ASCC1: variants seen among roughly 807,000 people sequenced by gnomAD.
ASCC1 encodes the protein activating signal cointegrator 1 complex subunit 1.
Under a neutral mutation model 46.6 loss-of-function variants are expected in ASCC1, and 35 were observed. That is an observed-to-expected ratio of 0.75 (90% CI 0.57 to 0.99). The LOEUF is 0.99. Ranked by LOEUF, ASCC1 falls within the 50% of genes least tolerant of loss-of-function variation. The pLI, the probability that ASCC1 is intolerant of heterozygous loss-of-function variation, is 0.00. For missense variants in ASCC1, 376 were observed against 428.7 expected, an observed-to-expected ratio of 0.88 and a Z score of 1.09; for synonymous variants, 143 against 146.6, an observed-to-expected ratio of 0.98 and a Z score of 0.18.
intron 8 of ASCC1, among the ~76,000 whole-genome samples, chr10:72,131,874 T>G (rs63631362): frequency 2.9e-5 from 1 of 34,180 alleles, no homozygotes. Flanking sequence ...TCTAGATAGA[T>G]TTTTTTTTTT....
intron 9 of ASCC1, among the ~76,000 whole-genome samples, chr10:72,098,285 G>A (rs546972354): frequency 2.6e-5 from 4 of 152,224 alleles, no homozygotes; most frequent in South Asian, 4.1e-4. Context: ...GAGCGTCAAA[G>A]AGTAAAGAGC....
chr10:72,191,705 G>A (rs2133195186), intron 5 of ASCC1, among the ~76,000 whole-genome samples: 1 of 151,966 alleles, frequency 6.6e-6, no homozygotes, highest in African/African-American at 2.4e-5. Flanking sequence ...ACAGTACAAT[G>A]GCGTGATCTC....
At chr10:72,149,604 T>C (rs961723424) in intron 7 of ASCC1, among the ~76,000 whole-genome samples, 1 of 152,214 alleles carries the variant, frequency 6.6e-6, no homozygotes, top group Non-Finnish European at 1.5e-5. Context: ...ATTATGAGAC[T>C]GTGAGACCAA....
chr10:72,212,305 C>T (rs1295014539), intron 2 of ASCC1: 3 of 169,296 alleles, frequency 1.8e-5, no homozygotes, highest in African/African-American at 7.2e-5. Flanking sequence ...AAGAGCAAAA[C>T]TCTGTCTCAA....
At chr10:72,189,933 A>C (rs1158205527) in intron 5 of ASCC1, 1 of 719,634 alleles carries the variant, frequency 1.4e-6, no homozygotes, top group Non-Finnish European at 2.5e-6. Flanking sequence ...GCCATCAGGT[A>C]AGCCAAGACA....
At chr10:72,112,038 G>T (rs1354067519) in intron 9 of ASCC1, among the ~76,000 whole-genome samples, 1 of 152,068 alleles carries the variant, frequency 6.6e-6, no homozygotes, top group Non-Finnish European at 1.5e-5. Context: ...CTAACATTTG[G>T]AATAACACTT....
chr10:72,163,285 C>T (rs1369509105), intron 5 of ASCC1, among the ~76,000 whole-genome samples: 1 of 152,038 alleles, frequency 6.6e-6, no homozygotes, highest in Non-Finnish European at 1.5e-5. Context: ...CCCAAGAGAA[C>T]TGAAAAAGGG....
intron 4 of ASCC1, 128 bp downstream of exon 4, chr10:72,203,299 A>G (rs1321802074): frequency 1.9e-5 from 15 of 793,692 alleles, no homozygotes; most frequent in South Asian, 1.5e-4. Flanking sequence ...AAAAAAAAAA[A>G]AAGAAAAGAA....
chr10:72,138,506 G>T (rs1007747832), intron 7 of ASCC1, among the ~76,000 whole-genome samples: 1 of 151,794 alleles, frequency 6.6e-6, no homozygotes, highest in Non-Finnish European at 1.5e-5. Flanking sequence ...AGAAGGAAAT[G>T]ATGCAGAGAG....
At chr10:72,216,512 C>T (rs1341160923), upstream of ASCC1, among the ~76,000 whole-genome samples, 2 of 141,656 alleles carry the variant, frequency 1.4e-5, no homozygotes, top group African/African-American at 5.2e-5. Flanking sequence ...GCTGCGGCAT[C>T]TATTTGGTTT....
At chr10:72,209,464 G>A (rs1857722630) in intron 3 of ASCC1, among the ~76,000 whole-genome samples, 2 of 152,176 alleles carry the variant, frequency 1.3e-5, no homozygotes, top group Admixed American at 1.3e-4. Context: ...CCTGGCAACA[G>A]TGCGACACCC....
chr10:72,166,141 CT>C (rs1850308645), intron 5 of ASCC1, among the ~76,000 whole-genome samples: 1 of 152,170 alleles, frequency 6.6e-6, no homozygotes, highest in Admixed American at 6.5e-5. Context: ...TATACATAGC[CT>C]TCCTAGTAAT....
chr10:72,198,391 G>GGGAAGGGAAGGGAAT, intron 4 of ASCC1: 2 of 222,646 alleles, frequency 9.0e-6, no homozygotes, highest in South Asian at 6.1e-5. Context: ...GGGAAGGGAA[G>GGGAAGGGAAGGGAAT]GGAAGGGAAG....
At chr10:72,215,882 G>A (rs972184698) in intron 1 of ASCC1, 2 of 152,416 alleles carry the variant, frequency 1.3e-5, no homozygotes, top group African/African-American at 4.8e-5. Context: ...AGGAGAAGAG[G>A]ACTAGGCGGC....
intron 7 of ASCC1, among the ~76,000 whole-genome samples, chr10:72,140,200 A>G (rs1477022724): frequency 1.3e-5 from 2 of 152,224 alleles, no homozygotes; most frequent in African/African-American, 4.8e-5. Flanking sequence ...CTATTTAAGA[A>G]AAAGAAGAAA....
At chr10:72,123,768 A>G (rs1213063615) in intron 9 of ASCC1, among the ~76,000 whole-genome samples, 1 of 152,210 alleles carries the variant, frequency 6.6e-6, no homozygotes, top group African/African-American at 2.4e-5. Flanking sequence ...TTAAGAAGTT[A>G]ATTGTGCTTT....
At chr10:72,203,579 A>G in intron 3 of ASCC1, 55 bp from the exon 4 acceptor site, 2 of 1,248,682 alleles carry the variant, frequency 1.6e-6, no homozygotes, top group South Asian at 2.4e-5. Flanking sequence ...AAAATAAAGA[A>G]CCTCATTATG....
chr10:72,129,975 TCA>T (rs1491543476), intron 8 of ASCC1, among the ~76,000 whole-genome samples: 2 of 16,920 alleles, frequency 1.2e-4, no homozygotes, highest in East Asian at 1.7e-3. Flanking sequence ...AGACCTTGTC[TCA>T]AAAAAAAAAA....
chr10:72,128,506 C>T (rs554340326), intron 8 of ASCC1, among the ~76,000 whole-genome samples: 186 of 152,166 alleles, frequency 1.2e-3, no homozygotes, highest in Non-Finnish European at 2.3e-3. Flanking sequence ...AGAGGCAGGA[C>T]TAAGTGATCT....
Sources: gnomAD v4.1 joint callset for allele counts (sites outside exome capture counted in the v4.1 genomes callset) on GRCh38, gnomAD v4.1.1 for gene constraint, MANE v1.5 for transcripts, NCBI Gene and HGNC (gene_info 2026-07-23, HGNC 2026-07-21) for gene names.